PACRG: variants seen among roughly 807,000 people sequenced by gnomAD.
PACRG encodes the protein parkin coregulated.
PACRG carries 29 observed loss-of-function variants against 29.7 expected under a neutral mutation model. The ratio of observed to expected loss-of-function variants is 0.98; its 90% CI spans 0.73 to 1.33. The LOEUF is 1.33. PACRG is among the 40% of genes most tolerant of loss of function. PACRG has a pLI of 0.00. For missense variants in PACRG, 279 were observed against 316.2 expected (o/e 0.88, Z 0.89); for synonymous variants, 116 against 118.7 (o/e 0.98, Z 0.15).
intron 1 of PACRG, among the ~76,000 whole-genome samples, chr6:162,800,760 T>C (rs4458655): frequency 0.22 from 33,088 of 152,136 alleles, 4,758 homozygotes; most frequent in African/African-American, 0.37. Context: ...TCTGATAATA[T>C]TGTATGTCCT....
intron 4 of PACRG, among the ~76,000 whole-genome samples, chr6:163,150,353 A>C (rs1778029457): frequency 6.6e-6 from 1 of 152,158 alleles, no homozygotes; most frequent in African/African-American, 2.4e-5. Context: ...CCAGCAGGAC[A>C]CACCAGGCCG....
chr6:163,050,942 C>T (rs181768040), intron 2 of PACRG, among the ~76,000 whole-genome samples: 17 of 152,274 alleles, frequency 1.1e-4, no homozygotes, highest in Admixed American at 6.5e-4. Context: ...TATTGCCTTT[C>T]CCCATGATCT....
At chr6:162,746,738 G>A (rs750864407) in intron 1 of PACRG, among the ~76,000 whole-genome samples, 11 of 152,100 alleles carry the variant, frequency 7.2e-5, no homozygotes, top group Non-Finnish European at 1.5e-4. Context: ...AAGTGTTCTG[G>A]ATTTTTTAAT....
intron 2 of PACRG, among the ~76,000 whole-genome samples, chr6:163,021,831 A>G (rs1806653176): frequency 6.6e-6 from 1 of 152,184 alleles, no homozygotes; most frequent in African/African-American, 2.4e-5. Context: ...CAAGGGAGGC[A>G]CTGTCGTTTC....
intron 2 of PACRG, among the ~76,000 whole-genome samples, chr6:162,892,917 G>A (rs1303159768): frequency 6.6e-6 from 1 of 150,590 alleles, no homozygotes; most frequent in African/African-American, 2.5e-5. Flanking sequence ...AACCACCTCA[G>A]CCTCAGGAGC....
rs570019176 is a variant in PACRG at position 163,304,780 on chromosome 6, C to T, written c.614-10047C>T. On this transcript the variant is annotated intron_variant, in intron 4 of 4. Coordinates refer to ENST00000366888, the MANE Select transcript of PACRG (RefSeq NM_001080379.2). ...CCAGCCTGAGTGAAGCAGGAGGTCCCACTGTGGAGGAGAATGCAAGTGACC... is the reference window on the plus strand; with the variant it reads ...CCAGCCTGAGTGAAGCAGGAGGTCCTACTGTGGAGGAGAATGCAAGTGACC... Among the ~76,000 whole-genome samples, 6 of 152,238 alleles carry T rather than the reference C, an allele frequency of 3.9e-5. No individual in the cohort carries two copies. In the East Asian group the frequency reaches 1.2e-3, roughly 29 times the overall value.
intron 2 of PACRG, among the ~76,000 whole-genome samples, chr6:162,886,838 T>A (rs1027226770): frequency 6.6e-6 from 1 of 152,232 alleles, no homozygotes; most frequent in Admixed American, 6.5e-5. Context: ...ATTAATTTTT[T>A]AAATTTAAAT....
At chr6:162,926,857 A>C (rs1562741283) in intron 2 of PACRG, among the ~76,000 whole-genome samples, 1 of 152,204 alleles carries the variant, frequency 6.6e-6, no homozygotes, top group Non-Finnish European at 1.5e-5. Context: ...CTGTCATCAG[A>C]GCAAACAGGC....
intron 4 of PACRG, among the ~76,000 whole-genome samples, chr6:163,099,839 G>A (rs1814929903): frequency 6.6e-6 from 1 of 152,172 alleles, no homozygotes; most frequent in African/African-American, 2.4e-5. Flanking sequence ...TGGGTAGTGA[G>A]GGTGAGTAAA....
At chr6:163,140,593 A>G (rs895400106) in intron 4 of PACRG, among the ~76,000 whole-genome samples, 67 of 152,206 alleles carry the variant, frequency 4.4e-4, no homozygotes, top group African/African-American at 1.4e-3. Context: ...GAAATGGGGA[A>G]AAACCCTTTT....
At chr6:163,123,674 G>A (rs551501469) in intron 4 of PACRG, among the ~76,000 whole-genome samples, 66 of 152,182 alleles carry the variant, frequency 4.3e-4, no homozygotes, top group Middle Eastern at 3.4e-3. Flanking sequence ...CTCTCCATCC[G>A]CTAGTAACCA....
intron 1 of PACRG, among the ~76,000 whole-genome samples, chr6:162,731,128 T>G (rs1278413893): frequency 1.3e-5 from 2 of 152,182 alleles, no homozygotes; most frequent in Admixed American, 6.5e-5. Flanking sequence ...ATAAATAATT[T>G]TTTTAATATT....
intron 4 of PACRG, among the ~76,000 whole-genome samples, chr6:163,173,062 C>T (rs942321831): frequency 3.3e-5 from 5 of 152,208 alleles, no homozygotes; most frequent in Admixed American, 1.3e-4. Flanking sequence ...AGGTATAAAA[C>T]CATATAATAC....
chr6:163,206,993 C>G lies in PACRG; in HGVS notation c.614-107834C>G, dbSNP rs571926877. ...TTTATAAGTATGTTCACTTTGCTATCAGGTCAGTTTGGTTCGTGTGGGACA... is the reference window on the plus strand; with the variant it reads ...TTTATAAGTATGTTCACTTTGCTATGAGGTCAGTTTGGTTCGTGTGGGACA... On this transcript the variant is annotated intron_variant, in intron 4 of 4. Coordinates refer to ENST00000366888, the MANE Select transcript of PACRG (RefSeq NM_001080379.2). Among the ~76,000 whole-genome samples, 28 of 152,226 alleles carry G rather than the reference C, an allele frequency of 1.8e-4. No individual in the cohort carries two copies. In the East Asian group the frequency reaches 4.4e-3, roughly 24 times the overall value.
intron 1 of PACRG, among the ~76,000 whole-genome samples, chr6:162,787,582 G>GTATCTATATATATA (rs1554279249): frequency 4.8e-5 from 3 of 62,412 alleles, no homozygotes; most frequent in Non-Finnish European, 6.0e-5. Flanking sequence ...GTGTGTGTGT[G>GTATCTATATATATA]TATATATATA....
chr6:163,064,091 T>A (rs1235769301), intron 3 of PACRG, among the ~76,000 whole-genome samples: 2 of 152,102 alleles, frequency 1.3e-5, no homozygotes, highest in Non-Finnish European at 2.9e-5. Flanking sequence ...TATCCTTTTT[T>A]TTTTTTTAAA....
Position 163,250,265 on chromosome 6 carries a change from T to C in PACRG, c.614-64562T>C, listed in dbSNP as rs1370569960. ...TAAGATTGAATTTGCACCATAACCA[T>C]TGAAAAATAGGAAGTACAAAACCAG... On this transcript the variant is annotated intron_variant, in intron 4 of 4. Coordinates refer to ENST00000366888, the MANE Select transcript of PACRG (RefSeq NM_001080379.2). Among the ~76,000 whole-genome samples the C allele has an allele frequency of 5.3e-5, 8 of 152,334 alleles. No homozygotes were observed. The East Asian group carries it at 1.3e-3, about 26-fold the overall frequency.
At chr6:163,017,389 A>T (rs1355841244) in intron 2 of PACRG, among the ~76,000 whole-genome samples, 1 of 152,190 alleles carries the variant, frequency 6.6e-6, no homozygotes, top group Non-Finnish European at 1.5e-5. Flanking sequence ...CTAAGGGTTG[A>T]TGATGACATA....
intron 2 of PACRG, among the ~76,000 whole-genome samples, chr6:162,923,401 T>G (rs1305128135): frequency 6.6e-6 from 1 of 152,240 alleles, no homozygotes; most frequent in Admixed American, 6.5e-5. Flanking sequence ...TAATCTGTAC[T>G]TTTAAGGTTT....
Sources: gnomAD v4.1 joint callset for allele counts (sites outside exome capture counted in the v4.1 genomes callset) on GRCh38, gnomAD v4.1.1 for gene constraint, MANE v1.5 for transcripts, NCBI Gene and HGNC (gene_info 2026-07-23, HGNC 2026-07-21) for gene names.